RANBP9: variants seen among roughly 807,000 people sequenced by gnomAD.
RANBP9 encodes RAN binding protein 9, also known as ran-binding protein 9.
Under a neutral mutation model 84.3 loss-of-function variants are expected in RANBP9, and 15 were observed. The ratio of observed to expected loss-of-function variants is 0.18; its 90% confidence interval spans 0.12 to 0.27. The LOEUF (loss-of-function observed/expected upper bound fraction) is 0.27, where lower values mean the gene tolerates loss of function less well. RANBP9 is among the 10% of genes least tolerant of loss of function. RANBP9 has a pLI of 1.00. For synonymous variants in RANBP9, 392 were observed against 349.6 expected (o/e 1.12, Z -1.35); for missense variants, 809 against 912.8 (o/e 0.89, Z 1.46).
rs1212707753 is a variant in RANBP9 at position 13,629,919 on chromosome 6, C to G, written c.1947+2451G>C. Among the ~76,000 whole-genome samples the G allele has an allele frequency of 3.7e-3, 477 of 130,040 alleles. 3 individuals are homozygous for G. The highest frequency in any genetic ancestry group is 9.0e-3 in the African/African-American group (302 of 33,618). 85.3% of individuals were successfully genotyped at this position (130,040 alleles called of 152,430 possible). A position where few individuals can be genotyped will look rare whatever the true frequency, so the allele number is the denominator to read the frequency against. On this transcript the variant is annotated intron_variant, in intron 12 of 13. Coordinates refer to ENST00000011619, the MANE Select transcript of RANBP9 (RefSeq NM_005493.3). ...TGTCTCTCTCTCTCTCTCTCTCTCT[C>G]TCGTGTGTGTGTGTGTGTGTGTGTA...
intron 4 of RANBP9, among the ~76,000 whole-genome samples, chr6:13,654,563 C>T (rs147786333): frequency 0.014 from 2,104 of 152,254 alleles, 49 homozygotes; most frequent in African/African-American, 0.048. Flanking sequence ...AAATATTTAA[C>T]AGTATTTTAT....
At chr6:13,654,047 A>T (rs1728374274) in intron 4 of RANBP9, among the ~76,000 whole-genome samples, 1 of 152,136 alleles carries the variant, frequency 6.6e-6, no homozygotes, top group Admixed American at 6.5e-5. Context: ...AAAGATGTCT[A>T]GTTATAATCA....
At chr6:13,649,342 AAAC>A (rs1291814613) in intron 5 of RANBP9, among the ~76,000 whole-genome samples, 1 of 152,162 alleles carries the variant, frequency 6.6e-6, no homozygotes, top group Non-Finnish European at 1.5e-5. Flanking sequence ...GAGAGAAAAT[AAAC>A]AACATGTCTA....
intron 8 of RANBP9, among the ~76,000 whole-genome samples, chr6:13,640,401 C>T (rs1219796574): frequency 6.6e-6 from 1 of 152,134 alleles, no homozygotes; most frequent in Admixed American, 6.5e-5. Context: ...AGAAAGTTCA[C>T]TTCTGGGTAT....
intron 2 of RANBP9, among the ~76,000 whole-genome samples, chr6:13,685,275 T>G (rs1451990717): frequency 6.6e-6 from 1 of 152,224 alleles, no homozygotes; most frequent in East Asian, 1.9e-4. Context: ...GGATGTGCCT[T>G]AATAAACTTA....
At chr6:13,634,587 A>G (rs777051439) in intron 10 of RANBP9, 35 bp from the exon 11 acceptor site, 2 of 1,569,830 alleles carry the variant, frequency 1.3e-6, no homozygotes, top group Non-Finnish European at 1.7e-6. Context: ...TTTTAGAAAT[A>G]TCATACTTGC....
intron 2 of RANBP9, among the ~76,000 whole-genome samples, chr6:13,663,564 C>G (rs970983469): frequency 1.3e-5 from 2 of 151,696 alleles, no homozygotes; most frequent in African/African-American, 4.8e-5. Flanking sequence ...ATGCAAGTTT[C>G]TATATTTTAC....
At chr6:13,682,875 T>G (rs895836159) in intron 2 of RANBP9, among the ~76,000 whole-genome samples, 4 of 152,224 alleles carry the variant, frequency 2.6e-5, no homozygotes, top group Admixed American at 6.5e-5. Flanking sequence ...ATGAACTCAC[T>G]TTGAAATGCA....
At position 13,637,848 on chromosome 6, in the gene RANBP9, T is replaced by C; in HGVS notation, c.1633A>G (p.Ile545Val). ...SNLNVPELNSINMSRSQQVNN... is the reference protein window; with the variant it reads ...SNLNVPELNSVNMSRSQQVNN... ...ACTTGCTGTGATCTTGACATATTTA[T>C]ACTGTTTAGTTCTGGTACATTCAAG... is the stretch of plus-strand genomic sequence containing the variant. The change falls in exon 10 of 14, where the codon ATA (isoleucine) becomes GTA (valine). Residue 545 changes from isoleucine (I) to valine (V), a missense_variant. By Grantham distance (29) the Ile-to-Val change is conservative (BLOSUM62 3). Around this residue, in one of 5 missense-constraint regions of RANBP9, gnomAD observed 233 missense variants for 234.4 expected, o/e 0.99. Transcript: ENST00000011619. The C allele has an allele frequency of 6.2e-7, 1 of 1,607,232 alleles. No individual in the cohort carries two copies. The highest frequency in any genetic ancestry group is 8.5e-7 in the Non-Finnish European group (1 of 1,177,210).
intron 11 of RANBP9, chr6:13,632,752 G>T: frequency 2.5e-6 from 1 of 401,232 alleles, no homozygotes. Context: ...GTTGAGAGGG[G>T]ACAACCTTTC....
intron 2 of RANBP9, among the ~76,000 whole-genome samples, chr6:13,694,177 C>T (rs1310271260): frequency 6.6e-6 from 1 of 152,200 alleles, no homozygotes; most frequent in Non-Finnish European, 1.5e-5. Flanking sequence ...CTCCTAGATA[C>T]TTACTCGTGA....
chr6:13,661,632 A>G (rs1326312535), intron 2 of RANBP9, among the ~76,000 whole-genome samples: 1 of 152,190 alleles, frequency 6.6e-6, no homozygotes, highest in Non-Finnish European at 1.5e-5. Flanking sequence ...TAAAAGAAAA[A>G]AACATAATCA....
chr6:13,653,154 T>C (rs1765332623), intron 4 of RANBP9, among the ~76,000 whole-genome samples: 1 of 152,194 alleles, frequency 6.6e-6, no homozygotes. Context: ...AAATACAGTA[T>C]ATTTTTGCTT....
At chr6:13,625,069 A>G (rs1265878691) in intron 13 of RANBP9, among the ~76,000 whole-genome samples, 1 of 152,204 alleles carries the variant, frequency 6.6e-6, no homozygotes, top group Non-Finnish European at 1.5e-5. Context: ...CTGATATTCA[A>G]GCTCTTCACT....
intron 3 of RANBP9, among the ~76,000 whole-genome samples, chr6:13,658,306 T>G (rs879200515): frequency 6.6e-6 from 1 of 152,156 alleles, no homozygotes; most frequent in African/African-American, 2.4e-5. Context: ...GAAATTTAAA[T>G]TTATTAAAAA....
intron 13 of RANBP9, among the ~76,000 whole-genome samples, chr6:13,622,849 T>A (rs1764491845): frequency 6.6e-6 from 1 of 152,248 alleles, no homozygotes; most frequent in Non-Finnish European, 1.5e-5. Flanking sequence ...CAAAGTCAGT[T>A]GATACTAACT....
intron 4 of RANBP9, among the ~76,000 whole-genome samples, chr6:13,653,976 A>C (rs541490046): frequency 7.2e-5 from 11 of 152,178 alleles, no homozygotes; most frequent in Admixed American, 2.0e-4. Flanking sequence ...AAGCAAGAGA[A>C]TATTTTAATA....
intron 13 of RANBP9, among the ~76,000 whole-genome samples, chr6:13,623,323 C>CA (rs781328721): frequency 3.2e-4 from 48 of 152,132 alleles, no homozygotes; most frequent in Non-Finnish European, 5.1e-4. Context: ...CAACAAAGGG[C>CA]AAAAACAGTT....
intron 1 of RANBP9, among the ~76,000 whole-genome samples, chr6:13,698,925 C>G (rs1700790843): frequency 6.6e-6 from 1 of 152,122 alleles, no homozygotes; most frequent in Non-Finnish European, 1.5e-5. Flanking sequence ...TCGGGGATCA[C>G]TTCACATATC....
Sources: gnomAD v4.1 joint callset for allele counts (sites outside exome capture counted in the v4.1 genomes callset) on GRCh38, gnomAD v4.1.1 for gene constraint, gnomAD v4.1.1 regional missense constraint, MANE v1.5 for transcripts, NCBI Gene and HGNC (gene_info 2026-07-23, HGNC 2026-07-21) for gene names.